The following ADGRB3 variants were observed in gnomAD, a reference collection of about 807,000 sequenced individuals.
The protein encoded by ADGRB3 is brain-specific angiogenesis inhibitor 3.
In ADGRB3, 37 loss-of-function variants were observed where a neutral mutation model predicts 193.4. The ratio of observed to expected loss-of-function variants is 0.19; its 90% CI spans 0.15 to 0.25. The LOEUF is 0.25. Ranked by LOEUF, ADGRB3 falls within the 10% of genes least tolerant of loss-of-function variation. The pLI is 1.00. For missense variants in ADGRB3, 1,637 were observed against 1,852.9 expected, an observed-to-expected ratio of 0.88 and a Z score of 2.14; for synonymous variants, 690 against 644.2, an observed-to-expected ratio of 1.07 and a Z score of -1.08.
chr6:68,975,566 C>A lies in ADGRB3; in HGVS notation c.1734+226C>A, dbSNP rs555123552. Among the ~76,000 whole-genome samples the A allele has an allele frequency of 5.7e-3, 861 of 152,242 alleles. 3 individuals carry two copies. The highest frequency in any genetic ancestry group is 9.2e-3 in the Non-Finnish European group (623 of 68,008). ...GGATCCTGCTATTTAAATGAAAGAA[C>A]CCTTTGTCTAGTGGGGGAAAGGCCT... On this transcript the variant is annotated intron_variant, in intron 10 of 31. Transcript: ENST00000370598.
At chr6:69,077,081 T>C (rs1156357154) in intron 17 of ADGRB3, among the ~76,000 whole-genome samples, 1 of 152,060 alleles carries the variant, frequency 6.6e-6, no homozygotes, top group African/African-American at 2.4e-5. Context: ...GTTCTCATAC[T>C]CTGGGTATCC....
At chr6:69,161,500 C>G (rs1219480837) in intron 17 of ADGRB3, among the ~76,000 whole-genome samples, 1 of 152,178 alleles carries the variant, frequency 6.6e-6, no homozygotes, top group South Asian at 2.1e-4. Flanking sequence ...AATTACTGGG[C>G]CTCCCTTCTA....
chr6:69,332,895 A>G (rs1768759338), intron 23 of ADGRB3, 28 bp from the exon 24 acceptor site: 2 of 1,610,768 alleles, frequency 1.2e-6, no homozygotes, highest in Non-Finnish European at 1.7e-6. Context: ...AATATCATTG[A>G]AAGGTCAACT....
intron 3 of ADGRB3, among the ~76,000 whole-genome samples, chr6:68,765,537 GACACACACACAC>G (rs59919588): frequency 4.2e-5 from 6 of 143,462 alleles, no homozygotes; most frequent in Admixed American, 7.0e-5. Flanking sequence ...TATTCTTATA[GACACACACACAC>G]ACACACACAC....
chr6:69,173,245 C>T (rs1775334213), intron 17 of ADGRB3, among the ~76,000 whole-genome samples: 1 of 152,128 alleles, frequency 6.6e-6, no homozygotes, highest in Admixed American at 6.5e-5. Context: ...ACCATGTTGG[C>T]CAGGTTGGTC....
intron 3 of ADGRB3, among the ~76,000 whole-genome samples, chr6:68,772,889 AAAAAAATATATATAT>A (rs1303919480): frequency 0.032 from 1,403 of 43,576 alleles, 39 homozygotes; most frequent in Non-Finnish European, 0.04. Flanking sequence ...AAACAAAAAA[AAAAAAATATATATAT>A]ATATATATAT....
chr6:68,871,599 A>G (rs1765457337), intron 3 of ADGRB3, among the ~76,000 whole-genome samples: 1 of 152,060 alleles, frequency 6.6e-6, no homozygotes, highest in Non-Finnish European at 1.5e-5. Flanking sequence ...TCCTTTTTCC[A>G]TAATTTGTAT....
At chr6:68,897,093 A>G (rs76700465) in intron 3 of ADGRB3, among the ~76,000 whole-genome samples, 13,760 of 152,086 alleles carry the variant, frequency 0.09, 831 homozygotes, top group Non-Finnish European at 0.13. Flanking sequence ...GTGTTCATGT[A>G]GCTGGTGGGA....
chr6:69,130,925 T>G (rs982511143), intron 17 of ADGRB3, among the ~76,000 whole-genome samples: 3 of 152,130 alleles, frequency 2.0e-5, no homozygotes, highest in African/African-American at 7.2e-5. Flanking sequence ...TTATTTGATG[T>G]TCGCTATTCA....
chr6:68,664,152 G>A (rs555200018), intron 3 of ADGRB3, among the ~76,000 whole-genome samples: 7 of 151,576 alleles, frequency 4.6e-5, no homozygotes, highest in Admixed American at 2.0e-4. Flanking sequence ...TTTTTAGAAC[G>A]TAATAAATAA....
chr6:68,933,035 T>C (rs1039626749), intron 4 of ADGRB3, among the ~76,000 whole-genome samples: 1 of 150,364 alleles, frequency 6.7e-6, no homozygotes, highest in African/African-American at 2.4e-5. Context: ...ATATAAATGA[T>C]GGTGCTCTAA....
intron 3 of ADGRB3, among the ~76,000 whole-genome samples, chr6:68,707,963 C>G (rs1300567057): frequency 2.6e-5 from 4 of 152,086 alleles, no homozygotes; most frequent in Admixed American, 6.6e-5. Context: ...AGCAGAGACA[C>G]AAGAAAGTAA....
intron 3 of ADGRB3, among the ~76,000 whole-genome samples, chr6:68,872,438 T>C (rs1276163119): frequency 2.0e-5 from 3 of 152,100 alleles, no homozygotes; most frequent in Non-Finnish European, 4.4e-5. Context: ...CTAAAAGTGA[T>C]TTTTAAAAAG....
At chr6:68,789,513 C>A (rs558920991) in intron 3 of ADGRB3, among the ~76,000 whole-genome samples, 1 of 152,212 alleles carries the variant, frequency 6.6e-6, no homozygotes, top group South Asian at 2.1e-4. Context: ...AGAGTTTCTG[C>A]GGAGAGATCA....
At chr6:69,156,939 A>G (rs1774857308) in intron 17 of ADGRB3, among the ~76,000 whole-genome samples, 1 of 152,184 alleles carries the variant, frequency 6.6e-6, no homozygotes, top group Non-Finnish European at 1.5e-5. Flanking sequence ...TACTATTCCC[A>G]GTATAATTAG....
intron 17 of ADGRB3, among the ~76,000 whole-genome samples, chr6:69,167,550 A>G (rs993026091): frequency 6.6e-6 from 1 of 152,168 alleles, no homozygotes; most frequent in Non-Finnish European, 1.5e-5. Context: ...CCAAACATCT[A>G]AATTTAGAGA....
chr6:69,266,669 C>G (rs905484299), intron 20 of ADGRB3, among the ~76,000 whole-genome samples: 5 of 152,026 alleles, frequency 3.3e-5, no homozygotes, highest in Non-Finnish European at 5.9e-5. Context: ...TATATACACA[C>G]ATACATACAC....
intron 20 of ADGRB3, among the ~76,000 whole-genome samples, chr6:69,274,054 A>G (rs947506902): frequency 3.3e-5 from 5 of 152,194 alleles, no homozygotes; most frequent in Non-Finnish European, 7.3e-5. Flanking sequence ...AGAGACATCC[A>G]AGATCAACAA....
chr6:68,864,656 A>C (rs1442583319), intron 3 of ADGRB3, among the ~76,000 whole-genome samples: 1 of 152,194 alleles, frequency 6.6e-6, no homozygotes, highest in Non-Finnish European at 1.5e-5. Context: ...GTTTCTGCTA[A>C]TTGATACTAA....
Sources: allele counts gnomAD v4.1 joint callset (sites outside exome capture counted in the v4.1 genomes callset), GRCh38; gene constraint gnomAD v4.1.1; transcripts MANE v1.5; gene names NCBI Gene and HGNC (gene_info 2026-07-23, HGNC 2026-07-21).